Variants in USP43 observed in about 807,000 individuals in gnomAD.
USP43 encodes ubiquitin carboxyl-terminal hydrolase 43.
Under a neutral mutation model 90.7 loss-of-function variants are expected in USP43, and 33 were observed. That is an observed-to-expected ratio of 0.36 (90% CI 0.28 to 0.49). USP43 has a LOEUF of 0.49. Ranked by LOEUF, USP43 falls within the 20% of genes least tolerant of loss-of-function variation. The pLI is 0.98. For missense variants in USP43, 1,274 were observed against 1,476.4 expected (o/e 0.86, Z 2.25); for synonymous variants, 598 against 615.8 (o/e 0.97, Z 0.43).
At chr17:9,676,518 C>T (rs552504507) in intron 4 of USP43, among the ~76,000 whole-genome samples, 27 of 152,092 alleles carry the variant, frequency 1.8e-4, no homozygotes, top group African/African-American at 2.7e-4. Flanking sequence ...TACAGGCATC[C>T]GCCACCACAC....
At chr17:9,658,679 AC>A (rs1045118946) in intron 2 of USP43, among the ~76,000 whole-genome samples, 22 of 152,080 alleles carry the variant, frequency 1.4e-4, no homozygotes, top group African/African-American at 4.8e-4. Context: ...TCTTATTCTG[AC>A]CCCTTTTCGT....
At chr17:9,691,850 G>C (rs761982206) in intron 8 of USP43, among the ~76,000 whole-genome samples, 1 of 151,226 alleles carries the variant, frequency 6.6e-6, no homozygotes, top group Non-Finnish European at 1.5e-5. Flanking sequence ...GACCATCCTG[G>C]CTAACATGGT....
chr17:9,694,265 G>T (rs749773871), intron 9 of USP43, among the ~76,000 whole-genome samples: 9 of 152,040 alleles, frequency 5.9e-5, no homozygotes, highest in Admixed American at 4.6e-4. Context: ...GAGCCAGAAG[G>T]TTCTGTGACC....
At chr17:9,647,488 C>G (rs993020079) in intron 1 of USP43, 16 of 152,130 alleles carry the variant, frequency 1.1e-4, no homozygotes, top group Admixed American at 1.0e-3. Flanking sequence ...TAATATAGAA[C>G]CATAATGGTA....
At chr17:9,705,481 G>A (rs760269233) in intron 12 of USP43, among the ~76,000 whole-genome samples, 6 of 152,078 alleles carry the variant, frequency 3.9e-5, no homozygotes, top group Non-Finnish European at 7.4e-5. Context: ...TCGGCCGGGC[G>A]TGGTGGCTCA....
intron 3 of USP43, among the ~76,000 whole-genome samples, chr17:9,670,002 AG>A (rs1215799790): frequency 6.8e-6 from 1 of 146,534 alleles, no homozygotes; most frequent in Non-Finnish European, 1.5e-5. Context: ...GAGTTAAAGG[AG>A]GGAGTGATCT....
intron 14 of USP43, among the ~76,000 whole-genome samples, chr17:9,716,847 T>G (rs1175477504): frequency 6.6e-6 from 1 of 152,184 alleles, no homozygotes. Flanking sequence ...TAAAATTTCT[T>G]ACATTGAGCC....
chr17:9,692,125 G>A (rs1347946545), intron 8 of USP43, among the ~76,000 whole-genome samples: 3 of 151,978 alleles, frequency 2.0e-5, no homozygotes, highest in East Asian at 3.9e-4. Context: ...TTGGGAGGCC[G>A]AGGTGGGCGG....
intron 14 of USP43, among the ~76,000 whole-genome samples, chr17:9,716,512 T>TGA (rs749305555): frequency 2.6e-5 from 4 of 152,000 alleles, no homozygotes; most frequent in Admixed American, 6.6e-5. Flanking sequence ...AATTTACTTA[T>TGA]GAGAGAGAGA....
chr17:9,723,665 C>T (rs1413153170), intron 14 of USP43, among the ~76,000 whole-genome samples: 1 of 150,708 alleles, frequency 6.6e-6, no homozygotes, highest in Non-Finnish European at 1.5e-5. Context: ...CTCACTGCAA[C>T]CTCCCCTTCC....
chr17:9,714,444 G>A (rs962248465), intron 14 of USP43, among the ~76,000 whole-genome samples: 1 of 152,104 alleles, frequency 6.6e-6, no homozygotes, highest in Non-Finnish European at 1.5e-5. Context: ...CACTTTGGGA[G>A]GCCGAGGTGG....
In USP43 at chr17:9,675,002, T is replaced by C; in HGVS notation, c.833+19T>C. The stretch of plus-strand genomic sequence containing the variant: ...AGACGAGGTACGTGAGTGTCGCGGC[T>C]TGCCCGGTGAACTTGACTTCCATCC... On this transcript the variant is annotated intron_variant, in intron 4 of 14. Coordinates refer to ENST00000285199, the MANE Select transcript of USP43 (RefSeq NM_153210.5). 1 of 1,605,460 alleles carries C rather than the reference T, an allele frequency of 6.2e-7. No homozygotes were observed. The highest frequency in any genetic ancestry group is 1.1e-5 in the South Asian group (1 of 90,876).
At chr17:9,648,899 T>C (rs924982220) in intron 1 of USP43, among the ~76,000 whole-genome samples, 1 of 150,436 alleles carries the variant, frequency 6.6e-6, no homozygotes, top group Non-Finnish European at 1.5e-5. Context: ...TTCTTTCTTT[T>C]TCTTTCTCTC....
chr17:9,705,753 C>CAA (rs376060880), intron 12 of USP43, among the ~76,000 whole-genome samples: 6 of 89,736 alleles, frequency 6.7e-5, no homozygotes, highest in African/African-American at 7.8e-5. Context: ...GACTCTGTCT[C>CAA]AAAAAAAAAA....
At chr17:9,681,964 A>G (rs774492815) in intron 6 of USP43, among the ~76,000 whole-genome samples, 21 of 152,196 alleles carry the variant, frequency 1.4e-4, no homozygotes, top group Admixed American at 1.3e-3. Flanking sequence ...AGAACAAGAC[A>G]TTAACTGACA....
intron 8 of USP43, among the ~76,000 whole-genome samples, chr17:9,688,783 C>T (rs78364580): frequency 0.042 from 6,400 of 152,124 alleles, 424 homozygotes; most frequent in African/African-American, 0.14. Flanking sequence ...ACCTCCCAGG[C>T]TCAAGTGATC....
intron 6 of USP43, among the ~76,000 whole-genome samples, chr17:9,681,375 T>C (rs1914228169): frequency 8.6e-6 from 1 of 116,872 alleles, no homozygotes; most frequent in South Asian, 2.4e-4. Flanking sequence ...AATAAATATA[T>C]ATAAATAAAT....
intron 5 of USP43, among the ~76,000 whole-genome samples, chr17:9,679,381 A>C (rs1181714408): frequency 6.6e-6 from 1 of 150,768 alleles, no homozygotes; most frequent in Non-Finnish European, 1.5e-5. Flanking sequence ...TTTTAAAAAA[A>C]TTGTGTAGAG....
chr17:9,728,702 C>T lies in USP43; in HGVS notation c.3084C>T (p.Gly1028=), dbSNP rs367556572. Residue 1028 remains glycine, a synonymous_variant, in exon 15 of 15, where the codon GGC becomes GGT. Transcript: ENST00000285199. The surrounding 1 kb of genome is among the most constrained non-coding windows in gnomAD (Gnocchi z 6.2). Reference sequence around the variant, plus strand: ...TGCCCCCCGTCTCCCTGGTGAGTGGCGGGCTGAGCCCTGCCATGGACGGGC... The same window carrying T: ...TGCCCCCCGTCTCCCTGGTGAGTGGTGGGCTGAGCCCTGCCATGGACGGGC... ...PQVPPVSLVS[G]GLSPAMDGQA... 40 of 1,605,532 alleles carry T rather than the reference C, an allele frequency of 2.5e-5. 1 individual carries two copies. The African/African-American group carries it at 3.7e-4, about 15-fold the overall frequency.
Sources: gnomAD v4.1 joint callset for allele counts (sites outside exome capture counted in the v4.1 genomes callset) on GRCh38, gnomAD v4.1.1 for gene constraint, Gnocchi (gnomAD v3.1) non-coding constraint, MANE v1.5 for transcripts, NCBI Gene and HGNC (gene_info 2026-07-23, HGNC 2026-07-21) for gene names.